NPLOC4: variants seen among roughly 807,000 people sequenced by gnomAD.
NPLOC4 encodes the protein NPL4 homolog, ubiquitin recognition factor, also known as nuclear protein localization protein 4 homolog.
In NPLOC4, 18 loss-of-function variants were observed where a neutral mutation model predicts 80.6. The observed-to-expected ratio is 0.22, with a 90% CI of 0.15 to 0.33. NPLOC4 has a LOEUF of 0.33. NPLOC4 is among the 10% of genes least tolerant of loss of function. The probability of loss-of-function intolerance (pLI) is 1.00; values close to 1 mark genes in which losing one functional copy is unlikely to be tolerated. For missense variants in NPLOC4, 540 were observed against 786.1 expected (o/e 0.69, Z 3.74); for synonymous variants, 313 against 301.5 (o/e 1.04, Z -0.39).
chr17:81,613,243 T>G, intron 4 of NPLOC4, 75 bp downstream of exon 4: 1 of 1,299,642 alleles, frequency 7.7e-7, no homozygotes, highest in Non-Finnish European at 1.0e-6. Flanking sequence ...AAACAAGACA[T>G]GTTATAAATA....
chr17:81,579,905 T>G (rs1010685215), intron 12 of NPLOC4, among the ~76,000 whole-genome samples: 1 of 137,064 alleles, frequency 7.3e-6, no homozygotes, highest in Non-Finnish European at 1.7e-5. Flanking sequence ...TCACCCCCCA[T>G]TCTCCTCTGT....
intron 1 of NPLOC4, among the ~76,000 whole-genome samples, chr17:81,633,127 C>CAA (rs57190405): frequency 0.32 from 33,452 of 105,284 alleles, 5,667 homozygotes; most frequent in East Asian, 0.63. Flanking sequence ...GACTCCGTCT[C>CAA]AAAAAAAAAA....
At position 81,586,615 on chromosome 17, in the gene NPLOC4, A is replaced by G. The variant is rs141757046; in HGVS notation, c.1281+2329T>C. Among the ~76,000 whole-genome samples the G allele has an allele frequency of 5.5e-3, 834 of 152,062 alleles. 11 individuals are homozygous for G. The highest frequency in any genetic ancestry group is 0.019 in the African/African-American group (782 of 41,446). ...ACAGAGCAAAACTGTCTCAAAAAAA[A>G]AAAAAAAAGATGCTTGCAAAAGTTT... On this transcript the variant is annotated intron_variant, in intron 12 of 16. Coordinates refer to ENST00000331134, the MANE Select transcript of NPLOC4 (RefSeq NM_017921.4).
intron 2 of NPLOC4, among the ~76,000 whole-genome samples, chr17:81,624,472 G>A (rs996752696): frequency 1.3e-5 from 2 of 152,086 alleles, no homozygotes; most frequent in East Asian, 1.9e-4. Flanking sequence ...GGTGGTGCAC[G>A]CCTACAGTCC....
rs1169351301 is a variant in NPLOC4 at position 81,581,348 on chromosome 17, CAAAAAAAAAAAA to C, written c.1281+7584_1281+7595del. ...TGGGCAACACAGCCAGACTCCAACG[CAAAAAAAAAAAA>C]AAAAAAAAAAAAAAAAGTTAATAAA... On this transcript the variant is annotated intron_variant, in intron 12 of 16. Coordinates refer to ENST00000331134, the MANE Select transcript of NPLOC4 (RefSeq NM_017921.4). Among the ~76,000 whole-genome samples the C allele has an allele frequency of 8.3e-3, 70 of 8,478 alleles. 2 individuals are homozygous for C. The highest frequency in any genetic ancestry group is 0.012 in the South Asian group (3 of 252). 5.6% of individuals were successfully genotyped at this position (8,478 alleles called of 152,430 possible). A position where few individuals can be genotyped will look rare whatever the true frequency, so the allele number is the denominator to read the frequency against.
chr17:81,579,024 G>C (rs916189636), intron 12 of NPLOC4, among the ~76,000 whole-genome samples: 4 of 152,208 alleles, frequency 2.6e-5, no homozygotes, highest in African/African-American at 9.7e-5. Context: ...GGGCTCAAGC[G>C]ATCCTCCTGC....
chr17:81,614,514 G>A (rs1004871300), intron 3 of NPLOC4: 1 of 151,220 alleles, frequency 6.6e-6, no homozygotes, highest in Non-Finnish European at 1.5e-5. Context: ...CCCACGGACA[G>A]ACGTCCCTGT....
At chr17:81,574,295 G>A (rs1844635311) in intron 12 of NPLOC4, among the ~76,000 whole-genome samples, 1 of 151,922 alleles carries the variant, frequency 6.6e-6, no homozygotes, top group Admixed American at 6.6e-5. Context: ...TCTTTTTTGT[G>A]TCATGCTATT....
At chr17:81,607,343 C>T (rs2035230955) in intron 6 of NPLOC4, among the ~76,000 whole-genome samples, 1 of 151,554 alleles carries the variant, frequency 6.6e-6, no homozygotes, top group African/African-American at 2.4e-5. Flanking sequence ...AAATCCTGGA[C>T]CCTACTCTGA....
At chr17:81,612,581 G>A (rs181392628) in intron 4 of NPLOC4, 1 of 152,238 alleles carries the variant, frequency 6.6e-6, no homozygotes, top group East Asian at 1.9e-4. Context: ...ATACCGCAAA[G>A]TCAGCACCCC....
chr17:81,585,747 G>T (rs1473471743), intron 12 of NPLOC4, among the ~76,000 whole-genome samples: 1 of 152,066 alleles, frequency 6.6e-6, no homozygotes, highest in African/African-American at 2.4e-5. Flanking sequence ...AGCACTGTGG[G>T]AGGCTGAGGC....
At chr17:81,634,563 C>A (rs62074745) in intron 1 of NPLOC4, among the ~76,000 whole-genome samples, 16,057 of 150,582 alleles carry the variant, frequency 0.11, 932 homozygotes, top group Middle Eastern at 0.18. Flanking sequence ...TAACCTATTT[C>A]TAGGCAAAGT....
At chr17:81,621,194 C>G (rs1241847633) in intron 3 of NPLOC4, among the ~76,000 whole-genome samples, 3 of 151,846 alleles carry the variant, frequency 2.0e-5, no homozygotes, top group Non-Finnish European at 4.4e-5. Flanking sequence ...GAAGGATGAA[C>G]CAGTGTCACT....
In NPLOC4 at chr17:81,623,409, G is replaced by A. The variant is rs577674242; in HGVS notation, c.97-1131C>T. ...GGGCCTGGGAGGTAGAGGCTGCAGT[G>A]AGTCGAGATCATGCCACTGCACTCC... On this transcript the variant is annotated intron_variant, in intron 2 of 16. Coordinates refer to ENST00000331134, the MANE Select transcript of NPLOC4 (RefSeq NM_017921.4). 4.2e-5 allele frequency among the ~76,000 whole-genome samples: 6 copies of A among 143,098 alleles called. No homozygotes were observed. The East Asian group carries it at 1.3e-3, about 30-fold the overall frequency. The allele number at this position is 143,098 out of a possible 152,430, so 93.9% of individuals were successfully genotyped here.
At chr17:81,560,264 T>G (rs1026154756) in intron 16 of NPLOC4, among the ~76,000 whole-genome samples, 30 of 149,802 alleles carry the variant, frequency 2.0e-4, no homozygotes, top group African/African-American at 7.4e-4. Flanking sequence ...CTAAAAATAA[T>G]TAGCCAGGCG....
chr17:81,596,060 A>C, intron 11 of NPLOC4, 56 bp downstream of exon 11: 1 of 1,553,506 alleles, frequency 6.4e-7, no homozygotes, highest in East Asian at 2.3e-5. Flanking sequence ...CAAAAAGAGG[A>C]ACAAAATATA....
chr17:81,636,642 C>T (rs1026440341), intron 1 of NPLOC4, among the ~76,000 whole-genome samples: 43 of 152,156 alleles, frequency 2.8e-4, no homozygotes, highest in African/African-American at 1.0e-3. Context: ...CTCTTCGCCA[C>T]AGTCCATTCT....
chr17:81,625,979 T>C (rs1408880249), intron 2 of NPLOC4, among the ~76,000 whole-genome samples: 3 of 151,760 alleles, frequency 2.0e-5, no homozygotes, highest in South Asian at 2.1e-4. Context: ...TGAAATCCCA[T>C]CTCTACTAAA....
intron 16 of NPLOC4, chr17:81,561,812 T>C (rs954345013): frequency 5.3e-5 from 8 of 152,194 alleles, no homozygotes; most frequent in Non-Finnish European, 1.2e-4. Flanking sequence ...CTGTGTGGGC[T>C]GGTCTCACAC....
Sources: allele counts gnomAD v4.1 joint callset (sites outside exome capture counted in the v4.1 genomes callset), GRCh38; gene constraint gnomAD v4.1.1; transcripts MANE v1.5; gene names NCBI Gene and HGNC (gene_info 2026-07-23, HGNC 2026-07-21).